CERS3: variants seen among roughly 807,000 people sequenced by gnomAD.
The protein encoded by CERS3 is ceramide synthase 3.
A neutral mutation model predicts 50.3 loss-of-function variants in CERS3; 33 were observed. The observed-to-expected ratio is 0.66, with a 90% CI of 0.50 to 0.88. The LOEUF is 0.88. CERS3 is among the 40% of genes least tolerant of loss of function. CERS3 has a pLI of 0.00. For missense variants in CERS3, 470 were observed against 460.3 expected (o/e 1.02, Z -0.19); for synonymous variants, 176 against 155.2 (o/e 1.13, Z -0.99).
At chr15:100,431,030 G>T (rs528521263) in intron 11 of CERS3, among the ~76,000 whole-genome samples, 1 of 152,240 alleles carries the variant, frequency 6.6e-6, no homozygotes, top group South Asian at 2.1e-4. Flanking sequence ...GTCACTGGTG[G>T]GGCCTGAGAT....
chr15:100,441,833 C>T (rs1389481086), intron 11 of CERS3, among the ~76,000 whole-genome samples: 1 of 151,636 alleles, frequency 6.6e-6, no homozygotes, highest in African/African-American at 2.4e-5. Context: ...TGCAACTCAT[C>T]CCAAATCTTC....
chr15:100,522,138 T>A (rs1026705370), intron 1 of CERS3, among the ~76,000 whole-genome samples: 6 of 152,234 alleles, frequency 3.9e-5, no homozygotes, highest in African/African-American at 1.4e-4. Flanking sequence ...TTTCTCAATA[T>A]GAATTATGTC....
In CERS3 at chr15:100,458,205, A is replaced by T. The variant is rs1646720211; in HGVS notation, c.846-2159T>A. The stretch of plus-strand genomic sequence containing the variant: ...AAAAGATAAAATACTTTCAGTTTAC[A>T]TTATTTGCAAGGCCTTAACATTTCC... On this transcript the variant is annotated intron_variant, in intron 10 of 11. Coordinates refer to ENST00000679737, the MANE Select transcript of CERS3 (RefSeq NM_001378789.1). Among the ~76,000 whole-genome samples the T allele has an allele frequency of 3.3e-5, 5 of 152,354 alleles. No individual in the cohort carries two copies. In the South Asian group the frequency reaches 1.0e-3, roughly 32 times the overall value.
intron 2 of CERS3, among the ~76,000 whole-genome samples, chr15:100,512,289 A>G (rs2036366142): frequency 1.3e-5 from 2 of 152,168 alleles, no homozygotes; most frequent in Admixed American, 1.3e-4. Context: ...AAGCTTTGTC[A>G]GAAGAGGGTC....
intron 3 of CERS3, among the ~76,000 whole-genome samples, chr15:100,491,449 T>C (rs1004993217): frequency 2.0e-5 from 3 of 152,162 alleles, no homozygotes; most frequent in Admixed American, 1.3e-4. Context: ...GTGACTGTAC[T>C]ATATTGCATT....
At chr15:100,540,698 G>A (rs573616536) in intron 1 of CERS3, among the ~76,000 whole-genome samples, 15 of 152,296 alleles carry the variant, frequency 9.8e-5, no homozygotes, top group South Asian at 4.1e-4. Context: ...TGTGGCACAC[G>A]TGTACCTATG....
intron 5 of CERS3, 67 bp downstream of exon 5, chr15:100,484,483 C>T (rs1012055082): frequency 4.9e-5 from 54 of 1,094,982 alleles, no homozygotes; most frequent in Non-Finnish European, 7.3e-5. Flanking sequence ...GCAGTATTCT[C>T]TCTGCAAGGA....
chr15:100,470,008 A>T (rs2034912969), intron 9 of CERS3, among the ~76,000 whole-genome samples: 1 of 152,174 alleles, frequency 6.6e-6, no homozygotes, highest in African/African-American at 2.4e-5. Context: ...TAAAGTTTCA[A>T]GCATTTGATC....
At chr15:100,456,979 A>G (rs2034395008) in intron 10 of CERS3, among the ~76,000 whole-genome samples, 1 of 151,954 alleles carries the variant, frequency 6.6e-6, no homozygotes, top group Admixed American at 6.6e-5. Context: ...TGCCATATGA[A>G]GGGCTATTTG....
intron 2 of CERS3, among the ~76,000 whole-genome samples, chr15:100,508,020 C>T (rs768542258): frequency 5.9e-5 from 9 of 152,214 alleles, no homozygotes; most frequent in Non-Finnish European, 1.2e-4. Flanking sequence ...TTGCCTACAA[C>T]CAAGAACCCC....
chr15:100,419,292 A>C (rs1454663803), intron 11 of CERS3, among the ~76,000 whole-genome samples: 1 of 95,960 alleles, frequency 1.0e-5, no homozygotes, highest in East Asian at 2.9e-4. Flanking sequence ...CTAGTCTCTG[A>C]TAAAACAGAC....
chr15:100,516,406 T>A lies in CERS3; in HGVS notation c.-2+5261A>T, dbSNP rs77179750. 1.9e-3 allele frequency among the ~76,000 whole-genome samples: 291 copies of A among 152,276 alleles called. 3 individuals carry two copies. The highest frequency in any genetic ancestry group is 6.7e-3 in the African/African-American group (278 of 41,542). On this transcript the variant is annotated intron_variant, in intron 2 of 11. Coordinates refer to ENST00000679737, the MANE Select transcript of CERS3 (RefSeq NM_001378789.1). ...TCTCAGGCAACTCAATATCTCTGAA[T>A]CTTTGTTTACTGGCCTGTTAAATGG...
intron 2 of CERS3, among the ~76,000 whole-genome samples, chr15:100,516,931 C>A (rs192488523): frequency 6.4e-4 from 97 of 152,360 alleles, no homozygotes; most frequent in Admixed American, 3.7e-3. Flanking sequence ...CATGTGAGAA[C>A]CCAGGACCTA....
intron 10 of CERS3, among the ~76,000 whole-genome samples, chr15:100,459,954 T>C (rs975860526): frequency 6.6e-6 from 1 of 152,174 alleles, no homozygotes; most frequent in Non-Finnish European, 1.5e-5. Context: ...TCCATTTTTC[T>C]ATTGGAGCAT....
chr15:100,513,884 C>A (rs1389603718), intron 2 of CERS3, among the ~76,000 whole-genome samples: 2 of 152,218 alleles, frequency 1.3e-5, no homozygotes, highest in East Asian at 3.9e-4. Flanking sequence ...CTCTGCTCAC[C>A]CCTTCACCTC....
In CERS3 at chr15:100,470,024, T is replaced by G. The variant is rs146963373; in HGVS notation, c.739-540A>C. ...AAAGTTTCAAGCATTTGATCTTTCC[T>G]AATTCTTTTATGCTAGTCTATACTG... On this transcript the variant is annotated intron_variant, in intron 9 of 11. Coordinates refer to ENST00000679737, the MANE Select transcript of CERS3 (RefSeq NM_001378789.1). Among the ~76,000 whole-genome samples the G allele has an allele frequency of 1.9e-3, 295 of 152,334 alleles. 1 individual carries two copies. The highest frequency in any genetic ancestry group is 6.8e-3 in the African/African-American group (281 of 41,574).
chr15:100,506,168 G>GA (rs2036172932), intron 2 of CERS3, among the ~76,000 whole-genome samples: 1 of 151,924 alleles, frequency 6.6e-6, no homozygotes, highest in East Asian at 1.9e-4. Context: ...CCACAGAATG[G>GA]AAAAAAATAC....
At chr15:100,437,210 G>A (rs1367843022) in intron 11 of CERS3, among the ~76,000 whole-genome samples, 1 of 152,144 alleles carries the variant, frequency 6.6e-6, no homozygotes, top group Non-Finnish European at 1.5e-5. Flanking sequence ...CTCCCAAAGT[G>A]CTGGGATTAC....
chr15:100,435,329 G>A (rs1268443784), intron 11 of CERS3, among the ~76,000 whole-genome samples: 1 of 152,200 alleles, frequency 6.6e-6, no homozygotes, highest in African/African-American at 2.4e-5. Context: ...TCTGCTGTTG[G>A]AAACAGATGC....
Sources: gnomAD v4.1 joint callset for allele counts (sites outside exome capture counted in the v4.1 genomes callset) on GRCh38, gnomAD v4.1.1 for gene constraint, MANE v1.5 for transcripts, NCBI Gene and HGNC (gene_info 2026-07-23, HGNC 2026-07-21) for gene names.